The following CAPN8 variants were observed in gnomAD, a reference collection of about 807,000 sequenced individuals.
The protein encoded by CAPN8 is calpain-8.
CAPN8 carries 87 observed loss-of-function variants against 80.9 expected under a neutral mutation model. That is an observed-to-expected ratio of 1.07 (90% confidence interval 0.90 to 1.28). The LOEUF is 1.28. Among genes scored for constraint, CAPN8 ranks in the 50% most tolerant of loss-of-function variants. The pLI is 0.00. For synonymous variants in CAPN8, 299 were observed against 273.8 expected, an observed-to-expected ratio of 1.09 and a Z score of -0.91; for missense variants, 757 against 702.0, an observed-to-expected ratio of 1.08 and a Z score of -0.89.
At chr1:223,656,676 GTT>G (rs201821198) in intron 1 of CAPN8, among the ~76,000 whole-genome samples, 1 of 88,338 alleles carries the variant, frequency 1.1e-5, no homozygotes, top group African/African-American at 3.9e-5. Flanking sequence ...GGGTTTTTTT[GTT>G]TTGTTTTTTT....
intron 13 of CAPN8, 129 bp downstream of exon 13, chr1:223,558,002 A>C: frequency 2.5e-6 from 1 of 394,270 alleles, no homozygotes; most frequent in Non-Finnish European, 4.5e-6. Flanking sequence ...AGGGACTAGA[A>C]AATGTTGTGG....
chr1:223,552,636 T>C (rs1311286465), intron 14 of CAPN8, among the ~76,000 whole-genome samples: 1 of 150,298 alleles, frequency 6.7e-6, no homozygotes, highest in South Asian at 2.1e-4. Flanking sequence ...CCCATTAGCC[T>C]GCCAGGAAAG....
At chr1:223,549,160 T>C (rs932818782) in intron 16 of CAPN8, among the ~76,000 whole-genome samples, 158 bp downstream of exon 16, 1 of 152,150 alleles carries the variant, frequency 6.6e-6, no homozygotes, top group African/African-American at 2.4e-5. Context: ...ACATTTTCCT[T>C]TGAGGCTTCA....
At chr1:223,620,373 A>C in intron 7 of CAPN8, 107 bp from the exon 8 acceptor site, 1 of 933,966 alleles carries the variant, frequency 1.1e-6, no homozygotes, top group Non-Finnish European at 1.7e-6. Flanking sequence ...CAAAATACCA[A>C]AAGCACTGCA....
At chr1:223,628,623 C>T (rs1042743453) in intron 3 of CAPN8, 39 bp downstream of exon 3, 40 of 1,496,450 alleles carry the variant, frequency 2.7e-5, no homozygotes, top group Admixed American at 9.9e-5. Context: ...CCTAAGAATA[C>T]GGAAAACAGC....
At chr1:223,544,888 T>C (rs1385796979) in intron 17 of CAPN8, 38 bp from the exon 18 acceptor site, 7 of 1,550,994 alleles carry the variant, frequency 4.5e-6, no homozygotes, top group Non-Finnish European at 5.2e-6. Context: ...AAAACAACCA[T>C]TCACGGCCCC....
chr1:223,615,602 T>G (rs1411263822), intron 10 of CAPN8, among the ~76,000 whole-genome samples: 3 of 152,236 alleles, frequency 2.0e-5, no homozygotes, highest in Non-Finnish European at 2.9e-5. Flanking sequence ...GACTCAGTGA[T>G]GCCCCTCATC....
chr1:223,651,604 G>C (rs2154116), intron 2 of CAPN8, among the ~76,000 whole-genome samples: 151,551 of 152,368 alleles, frequency 0.99, 75,372 homozygotes, highest in East Asian at 1. Context: ...GACTTTGGAC[G>C]TGCTGGCAAA....
intron 7 of CAPN8, among the ~76,000 whole-genome samples, chr1:223,621,316 G>A (rs77060571): frequency 0.011 from 1,632 of 149,888 alleles, 18 homozygotes; most frequent in Non-Finnish European, 0.015. Flanking sequence ...TTAGAGATTC[G>A]GCACCCTCCT....
chr1:223,627,826 C>T (rs1038908765), intron 4 of CAPN8, among the ~76,000 whole-genome samples, 183 bp downstream of exon 4: 1 of 152,182 alleles, frequency 6.6e-6, no homozygotes, highest in Non-Finnish European at 1.5e-5. Context: ...CTAAACTCCC[C>T]GCCCAGATTT....
rs68132305 is a variant in CAPN8 at position 223,629,232 on chromosome 1, T to TGTGTGTGTGTGTGTGTGTGTGTG, written c.308-453_308-452insCACACACACACACACACACACAC. Among the ~76,000 whole-genome samples the TGTGTGTGTGTGTGTGTGTGTGTG allele has an allele frequency of 1.1e-3, 148 of 132,610 alleles. 1 individual carries two copies. The highest frequency in any genetic ancestry group is 4.0e-3 in the Middle Eastern group (1 of 250). The allele number at this position is 132,610 out of a possible 152,430, so 87.0% of individuals were successfully genotyped here. A position where few individuals can be genotyped will look rare whatever the true frequency, so the allele number is the denominator to read the frequency against. On this transcript the variant is annotated intron_variant, in intron 2 of 20. Transcript: ENST00000366872. ...TGTGTGTGTGTGTGTGTGTGTGTGT[T>TGTGTGTGTGTGTGTGTGTGTGTG]TATGTTCCTTGCCCCTCCTGACCTT...
chr1:223,612,426 A>T (rs2102698336), intron 10 of CAPN8, among the ~76,000 whole-genome samples, 169 bp from the exon 11 acceptor site: 1 of 152,186 alleles, frequency 6.6e-6, no homozygotes, highest in African/African-American at 2.4e-5. Context: ...CTGGAACACT[A>T]CTGATGAATT....
chr1:223,644,802 C>T (rs1040397188), intron 2 of CAPN8, among the ~76,000 whole-genome samples: 2 of 152,160 alleles, frequency 1.3e-5, no homozygotes, highest in African/African-American at 4.8e-5. Context: ...CTTGTTACCT[C>T]CTCCTGGCCT....
rs992603846 is a variant in CAPN8 at position 223,628,201 on chromosome 1, C to G, written c.427-59G>C. On this transcript the variant is annotated intron_variant, in intron 3 of 20. Transcript: ENST00000366872. The stretch of plus-strand genomic sequence containing the variant: ...AATAAGCAGATGTGTAAAGGGAGTC[C>G]CTCCAGGGGACCTCACGTGGGGACT... 3 of 1,480,454 alleles carry G rather than the reference C, an allele frequency of 2.0e-6. No individual in the cohort carries two copies. The African/African-American group carries it at 4.2e-5, about 21-fold the overall frequency. 91.7% of individuals were successfully genotyped at this position (1,480,454 alleles called of 1,614,324 possible). A position where few individuals can be genotyped will look rare whatever the true frequency, so the allele number is the denominator to read the frequency against.
chr1:223,665,449 G>T lies in CAPN8; in HGVS notation c.198C>A (p.Gly66=). ...AGATGATGCCTTGAGTTTGCGGAGA[G>T]CCTGGTCCAAGATCCTTGTAGCCCA... is the stretch of plus-strand genomic sequence containing the variant. ...SALGYKDLGP[G]SPQTQGIIWK... is the part of the protein sequence containing the mutation. The change falls in exon 1 of 21, where the codon GGC becomes GGA. Residue 66 remains glycine, a synonymous_variant. Coordinates refer to ENST00000366872, the MANE Select transcript of CAPN8 (RefSeq NM_001143962.2). 1 of 1,552,132 alleles carries T rather than the reference G, an allele frequency of 6.4e-7. No individual in the cohort carries two copies. The highest frequency in any genetic ancestry group is 8.7e-7 in the Non-Finnish European group (1 of 1,147,062).
chr1:223,640,274 G>A (rs1205065960), intron 2 of CAPN8, among the ~76,000 whole-genome samples: 1 of 152,104 alleles, frequency 6.6e-6, no homozygotes, highest in Non-Finnish European at 1.5e-5. Context: ...CACATAGAAA[G>A]CCCTCAATAA....
At chr1:223,620,335 A>G (rs1657347257) in intron 7 of CAPN8, 69 bp from the exon 8 acceptor site, 1 of 1,355,098 alleles carries the variant, frequency 7.4e-7, no homozygotes, top group Non-Finnish European at 1.0e-6. Context: ...TGTTTACTGC[A>G]GCTAAGCTTC....
chr1:223,656,689 T>G (rs1558358269), intron 1 of CAPN8, among the ~76,000 whole-genome samples: 4 of 142,918 alleles, frequency 2.8e-5, no homozygotes, highest in African/African-American at 1.0e-4. Flanking sequence ...TTGTTTTTTT[T>G]TTTTTTTTTT....
chr1:223,622,576 G>A, intron 7 of CAPN8: 1 of 548,540 alleles, frequency 1.8e-6, no homozygotes, highest in African/African-American at 1.9e-5. Context: ...ATTCCACAGA[G>A]CCGCCAAACT....
Sources: gnomAD v4.1 joint callset for allele counts (sites outside exome capture counted in the v4.1 genomes callset) on GRCh38, gnomAD v4.1.1 for gene constraint, MANE v1.5 for transcripts, NCBI Gene and HGNC (gene_info 2026-07-23, HGNC 2026-07-21) for gene names.